The following CNOT10 variants were observed in gnomAD, a reference collection of about 807,000 sequenced individuals.
CNOT10 encodes CCR4-NOT transcription complex, subunit 10.
In CNOT10, 30 loss-of-function variants were observed where a neutral mutation model predicts 94.6. The observed-to-expected ratio is 0.32, with a 90% CI of 0.24 to 0.43. The LOEUF (loss-of-function observed/expected upper bound fraction) is 0.43, where lower values mean the gene tolerates loss of function less well. CNOT10 is among the 20% of genes least tolerant of loss of function. The pLI is 1.00. For missense variants in CNOT10, 759 were observed against 877.2 expected (o/e 0.87, Z 1.70); for synonymous variants, 289 against 301.6 (o/e 0.96, Z 0.43).
intron 8 of CNOT10, among the ~76,000 whole-genome samples, chr3:32,722,070 G>C (rs991292477): frequency 5.3e-5 from 8 of 152,112 alleles, no homozygotes; most frequent in African/African-American, 9.7e-5. Context: ...GTATTTGATG[G>C]GGCAGGAGAA....
rs1387071676 is a variant in CNOT10, at chr3:32,705,118, A to AT, written c.279+148dup. The AT allele has an allele frequency of 2.5e-5, 16 of 637,204 alleles. No homozygotes were observed. The African/African-American group carries it at 2.7e-4, about 11-fold the overall frequency. The allele number at this position is 637,204 out of a possible 1,614,324, so 39.5% of individuals were successfully genotyped here. A position where few individuals can be genotyped will look rare whatever the true frequency, so the allele number is the denominator to read the frequency against. On this transcript the variant is annotated intron_variant, in intron 3 of 18. Transcript: ENST00000328834. ...GCATTAATTTTATTTCCGTAAAATT[A>AT]TTATTCCAGGAGATAAAAGGTATGT...
chr3:32,711,136 C>G (rs1697871128), intron 4 of CNOT10, among the ~76,000 whole-genome samples: 1 of 152,150 alleles, frequency 6.6e-6, no homozygotes, highest in African/African-American at 2.4e-5. Context: ...CTCTTTACCC[C>G]CGTTAAGCTT....
At chr3:32,703,179 C>T (rs1026164008) in intron 1 of CNOT10, among the ~76,000 whole-genome samples, 3 of 151,496 alleles carry the variant, frequency 2.0e-5, no homozygotes, top group Non-Finnish European at 4.4e-5. Context: ...CCGCCTTGGC[C>T]TCCCAAAGTG....
chr3:32,760,606 G>A (rs966624646), intron 14 of CNOT10, among the ~76,000 whole-genome samples: 3 of 151,834 alleles, frequency 2.0e-5, no homozygotes, highest in Non-Finnish European at 2.9e-5. Context: ...CACTCCAGGC[G>A]GAGTGACACA....
chr3:32,697,590 C>T (rs1697135264), intron 1 of CNOT10, among the ~76,000 whole-genome samples: 1 of 152,154 alleles, frequency 6.6e-6, no homozygotes, highest in Non-Finnish European at 1.5e-5. Context: ...CCCACCTCAC[C>T]TCCCCAAGTA....
chr3:32,693,692 C>T (rs1002428143), intron 1 of CNOT10, among the ~76,000 whole-genome samples: 6 of 151,962 alleles, frequency 3.9e-5, no homozygotes, highest in Admixed American at 6.6e-5. Context: ...TAGGCATGCG[C>T]CACCACGCCT....
Position 32,773,824 on chromosome 3 carries a change from G to A in CNOT10, c.*213G>A, listed in dbSNP as rs1701010733. On this transcript the variant is annotated 3_prime_UTR_variant, in exon 19 of 19. Coordinates refer to ENST00000328834, the MANE Select transcript of CNOT10 (RefSeq NM_015442.3). ...TAATTTCAGCCAGACTATTAATTTT[G>A]AGCCATTATGTAATATATGCCATAG... 4.8e-5 allele frequency: 24 copies of A among 496,770 alleles called. No individual in the cohort carries two copies. In the South Asian group the frequency reaches 9.2e-4, roughly 19 times the overall value. The allele number at this position is 496,770 out of a possible 1,614,324, so 30.8% of individuals were successfully genotyped here. A position where few individuals can be genotyped will look rare whatever the true frequency, so the allele number is the denominator to read the frequency against.
intron 1 of CNOT10, among the ~76,000 whole-genome samples, chr3:32,697,090 G>A (rs1697110329): frequency 1.3e-5 from 2 of 151,710 alleles, no homozygotes; most frequent in South Asian, 4.2e-4. Context: ...AGCTGAGATT[G>A]TAGGCATATG....
intron 4 of CNOT10, among the ~76,000 whole-genome samples, chr3:32,712,399 T>C (rs113217694): frequency 0.022 from 3,352 of 152,218 alleles, 50 homozygotes; most frequent in East Asian, 0.048. Flanking sequence ...GAGTATCCCT[T>C]ATCCAAAATG....
intron 14 of CNOT10, 147 bp downstream of exon 14, chr3:32,759,718 A>G: frequency 3.0e-6 from 2 of 663,624 alleles, no homozygotes; most frequent in East Asian, 2.6e-5. Context: ...TTTTTAACCC[A>G]TGCCTCGGCA....
chr3:32,689,157 A>G (rs1382427295), intron 1 of CNOT10, among the ~76,000 whole-genome samples: 1 of 152,170 alleles, frequency 6.6e-6, no homozygotes, highest in African/African-American at 2.4e-5. Flanking sequence ...GTTTGAGACC[A>G]GGCTGGCCAA....
intron 1 of CNOT10, among the ~76,000 whole-genome samples, 179 bp downstream of exon 1, chr3:32,685,661 C>T (rs1275934723): frequency 1.3e-5 from 2 of 152,148 alleles, no homozygotes; most frequent in African/African-American, 2.4e-5. Context: ...GGCCCCGGGT[C>T]CAATAGTTGT....
intron 18 of CNOT10, among the ~76,000 whole-genome samples, chr3:32,770,394 C>T (rs191122340): frequency 4.0e-3 from 552 of 139,022 alleles, no homozygotes; most frequent in African/African-American, 0.014. Context: ...GGCGCGATCT[C>T]GGCTCACTGC....
intron 1 of CNOT10, among the ~76,000 whole-genome samples, chr3:32,689,687 G>A (rs566015978): frequency 6.6e-6 from 1 of 152,230 alleles, no homozygotes; most frequent in African/African-American, 2.4e-5. Context: ...ATAATTTAAG[G>A]CTGGGCATAG....
chr3:32,763,207 C>T (rs1575309570), intron 15 of CNOT10, among the ~76,000 whole-genome samples: 6 of 152,230 alleles, frequency 3.9e-5, no homozygotes, highest in Admixed American at 3.3e-4. Context: ...CGTGGTGGCT[C>T]ACGCCTGTAA....
chr3:32,703,553 C>T (rs1697471357), intron 1 of CNOT10, among the ~76,000 whole-genome samples: 1 of 152,100 alleles, frequency 6.6e-6, no homozygotes, highest in African/African-American at 2.4e-5. Context: ...TTCCTGTGAC[C>T]TATTGATCTG....
rs1273621936 is a variant in CNOT10, at chr3:32,773,852, A to G, written c.*241A>G. 2 of 393,606 alleles carry G rather than the reference A, an allele frequency of 5.1e-6. No homozygotes were observed. The highest frequency in any genetic ancestry group is 8.8e-5 in the Admixed American group (2 of 22,804). 24.4% of individuals were successfully genotyped at this position (393,606 alleles called of 1,614,324 possible). A position where few individuals can be genotyped will look rare whatever the true frequency, so the allele number is the denominator to read the frequency against. On this transcript the variant is annotated 3_prime_UTR_variant, in exon 19 of 19. Transcript: ENST00000328834. ...CCATTATGTAATATATGCCATAGGC[A>G]ATTAAAACATAATTTTATCAGAAGT...
At chr3:32,751,470 A>C (rs1448010948) in intron 13 of CNOT10, among the ~76,000 whole-genome samples, 4 of 152,324 alleles carry the variant, frequency 2.6e-5, no homozygotes, top group African/African-American at 9.6e-5. Flanking sequence ...GGATAAAAGG[A>C]AATGTTTGGA....
At chr3:32,688,402 C>G (rs1036322384) in intron 1 of CNOT10, among the ~76,000 whole-genome samples, 3 of 151,772 alleles carry the variant, frequency 2.0e-5, no homozygotes, top group African/African-American at 7.3e-5. Context: ...AGTTCAAAAC[C>G]AGCCTGACCA....
Sources: allele counts gnomAD v4.1 joint callset (sites outside exome capture counted in the v4.1 genomes callset), GRCh38; gene constraint gnomAD v4.1.1; transcripts MANE v1.5; gene names NCBI Gene and HGNC (gene_info 2026-07-23, HGNC 2026-07-21).